The following ZCCHC4 variants were observed in gnomAD, a reference collection of about 807,000 sequenced individuals.
The protein encoded by ZCCHC4 is rRNA N(6)-adenosine-methyltransferase ZCCHC4.
ZCCHC4 carries 54 observed loss-of-function variants against 67.7 expected under a neutral mutation model. The observed-to-expected ratio is 0.80, with a 90% CI of 0.64 to 1.00. ZCCHC4 has a LOEUF of 1.00. ZCCHC4 is among the 50% of genes least tolerant of loss of function. The pLI is 0.00. For synonymous variants in ZCCHC4, 198 were observed against 213.5 expected (o/e 0.93, Z 0.63); for missense variants, 609 against 617.0 (o/e 0.99, Z 0.14).
At chr4:25,349,802 A>G (rs1176973346) in intron 7 of ZCCHC4, 160 bp downstream of exon 7, 41 of 696,086 alleles carry the variant, frequency 5.9e-5, no homozygotes. Flanking sequence ...CTTCATTATC[A>G]TGATATACTT....
intron 3 of ZCCHC4, among the ~76,000 whole-genome samples, chr4:25,328,300 C>G (rs1560401759): frequency 6.7e-6 from 1 of 149,602 alleles, no homozygotes; most frequent in Non-Finnish European, 1.5e-5. Context: ...AGTGCAGTGG[C>G]ACGATCTCTG....
rs766878393 is a variant in ZCCHC4, at chr4:25,364,439, T to G, written c.1210-15T>G. 15 of 1,482,096 alleles carry G rather than the reference T, an allele frequency of 1.0e-5. No individual in the cohort carries two copies. The highest frequency in any genetic ancestry group is 1.9e-4 in the Middle Eastern group (1 of 5,214). The allele number at this position is 1,482,096 out of a possible 1,614,324, so 91.8% of individuals were successfully genotyped here. On this transcript the variant is annotated splice_polypyrimidine_tract_variant and intron_variant, in intron 10 of 12. Coordinates refer to ENST00000302874, the MANE Select transcript of ZCCHC4 (RefSeq NM_024936.3). ...AAATTAATTATAATTTAAAAATTGT[T>G]TTTTTTTTTGGTAGGATGGCAGGAA... is the stretch of plus-strand genomic sequence containing the variant.
chr4:25,346,239 T>TA (rs34624621), intron 6 of ZCCHC4, among the ~76,000 whole-genome samples: 3,642 of 147,384 alleles, frequency 0.025, 51 homozygotes, highest in African/African-American at 0.042. Flanking sequence ...AAAAGTTCTT[T>TA]AAAAAAAAAA....
chr4:25,318,349 C>CTTTTTTTTTTTT (rs528144406), intron 3 of ZCCHC4, among the ~76,000 whole-genome samples: 6 of 45,508 alleles, frequency 1.3e-4, no homozygotes, highest in East Asian at 8.0e-4. Context: ...CACTCTCTCT[C>CTTTTTTTTTTTT]TTTTTTTTTT....
At position 25,324,014 on chromosome 4, in the gene ZCCHC4, G is replaced by GTTTTTTTTTTTTGT. The variant is rs1553895904; in HGVS notation, c.329+8626_329+8627insGTTTTTTTTTTTTT. On this transcript the variant is annotated intron_variant, in intron 3 of 12. Transcript: ENST00000302874. ...TCGTACAGTATGTACTGTTTTTTGT[G>GTTTTTTTTTTTTGT]TTTTTTTTTTTTTTTTGAGACAGAG... Among the ~76,000 whole-genome samples, 8 of 82,448 alleles carry GTTTTTTTTTTTTGT rather than the reference G, an allele frequency of 9.7e-5. 1 individual carries two copies. The highest frequency in any genetic ancestry group is 1.7e-4 in the Non-Finnish European group (8 of 46,568). 54.1% of individuals were successfully genotyped at this position (82,448 alleles called of 152,430 possible).
intron 8 of ZCCHC4, among the ~76,000 whole-genome samples, chr4:25,360,888 G>C (rs1720706176): frequency 1.3e-5 from 2 of 152,186 alleles, no homozygotes; most frequent in African/African-American, 4.8e-5. Flanking sequence ...ATACCATATG[G>C]TTTGAAACTG....
At chr4:25,313,511 G>A (rs1032754928) in intron 1 of ZCCHC4, among the ~76,000 whole-genome samples, 1 of 152,198 alleles carries the variant, frequency 6.6e-6, no homozygotes, top group African/African-American at 2.4e-5. Flanking sequence ...TTTCTGAAGA[G>A]ACCGGTTTTC....
At chr4:25,325,568 CT>C (rs1457181945) in intron 3 of ZCCHC4, among the ~76,000 whole-genome samples, 1 of 152,082 alleles carries the variant, frequency 6.6e-6, no homozygotes, top group African/African-American at 2.4e-5. Flanking sequence ...TGTCTTTTCA[CT>C]TTCTTAATGG....
At chr4:25,326,066 C>G (rs1162651346) in intron 3 of ZCCHC4, among the ~76,000 whole-genome samples, 1 of 152,216 alleles carries the variant, frequency 6.6e-6, no homozygotes, top group Non-Finnish European at 1.5e-5. Context: ...TAGATTTATT[C>G]TTCCAGTAAT....
chr4:25,340,448 C>A (rs915582580), intron 5 of ZCCHC4, among the ~76,000 whole-genome samples: 1 of 129,390 alleles, frequency 7.7e-6, no homozygotes, highest in African/African-American at 3.0e-5. Context: ...CTATTTTGTT[C>A]TTTTTCAAGA....
At chr4:25,335,135 G>A (rs536003713) in intron 5 of ZCCHC4, among the ~76,000 whole-genome samples, 1 of 152,322 alleles carries the variant, frequency 6.6e-6, no homozygotes, top group African/African-American at 2.4e-5. Context: ...TTTTTAAAGT[G>A]TAAAATGTCC....
intron 8 of ZCCHC4, chr4:25,352,053 A>G: frequency 7.0e-6 from 7 of 998,782 alleles, no homozygotes; most frequent in Non-Finnish European, 8.3e-6. Context: ...ATCATTATGA[A>G]CGTTGGTTTC....
Position 25,349,645 on chromosome 4 carries a change from G to A in ZCCHC4, c.910+3G>A, listed in dbSNP as rs768939646. On this transcript the variant is annotated splice_donor_region_variant and intron_variant, in intron 7 of 12. Transcript: ENST00000302874. Reference sequence around the variant, plus strand: ...GTGGAAAGAAGGTCAAAGCCAAGGTGTATAATTTATTACTGCAAAATAAAT... The same window carrying A: ...GTGGAAAGAAGGTCAAAGCCAAGGTATATAATTTATTACTGCAAAATAAAT... 1.4e-5 allele frequency: 23 copies of A among 1,612,702 alleles called. No homozygotes were observed. Among genetic ancestry groups the A allele is most frequent in the Non-Finnish European group, 1.9e-5 (23 of 1,179,498 alleles).
At chr4:25,361,697 C>T (rs1720745923) in intron 8 of ZCCHC4, 162 bp from the exon 9 acceptor site, 9 of 662,124 alleles carry the variant, frequency 1.4e-5, no homozygotes, top group Non-Finnish European at 2.2e-5. Flanking sequence ...CACTGGTCCA[C>T]CCACTCCCCT....
intron 3 of ZCCHC4, among the ~76,000 whole-genome samples, chr4:25,330,742 T>C (rs1487017786): frequency 6.6e-6 from 1 of 152,330 alleles, no homozygotes; most frequent in Non-Finnish European, 1.5e-5. Flanking sequence ...TTCTGAGTAC[T>C]TGAGTACTTG....
At chr4:25,332,824 A>G (rs766018590) in intron 3 of ZCCHC4, among the ~76,000 whole-genome samples, 2 of 152,252 alleles carry the variant, frequency 1.3e-5, no homozygotes, top group Non-Finnish European at 2.9e-5. Flanking sequence ...ACTGTTTAAC[A>G]GATAAAAGTT....
intron 5 of ZCCHC4, among the ~76,000 whole-genome samples, chr4:25,343,879 A>T (rs1308858387): frequency 6.6e-6 from 1 of 152,212 alleles, no homozygotes; most frequent in Non-Finnish European, 1.5e-5. Context: ...ATAAGTAAGG[A>T]TGTGTCTCAG....
At chr4:25,368,911 A>G (rs1352397747) in intron 12 of ZCCHC4, 118 bp from the exon 13 acceptor site, 8 of 1,228,766 alleles carry the variant, frequency 6.5e-6, no homozygotes, top group Non-Finnish European at 8.8e-6. Flanking sequence ...CTTGCAATAC[A>G]GTAGATTCTT....
Position 25,333,242 on chromosome 4 carries a change from A to C in ZCCHC4, c.389A>C (p.Gln130Pro). The C allele has an allele frequency of 6.2e-7, 1 of 1,614,168 alleles. No individual in the cohort carries two copies. Among genetic ancestry groups the C allele is most frequent in the Non-Finnish European group, 8.5e-7 (1 of 1,180,016 alleles). ...TQRKFCQTCQQLLLPDDWGQH... is the reference protein window; with the variant it reads ...TQRKFCQTCQPLLLPDDWGQH... ...AGAAAGTTTTGTCAAACATGTCAGC[A>C]GTTGTTGTTACCAGATGACTGGGGG... The change falls in exon 4 of 13, where the codon CAG becomes CCG. Residue 130 changes from glutamine (Q) to proline (P), a missense_variant. Physicochemically the swap from Gln to Pro is moderately conservative, Grantham distance 76. Coordinates refer to ENST00000302874, the MANE Select transcript of ZCCHC4 (RefSeq NM_024936.3).
Sources: allele counts gnomAD v4.1 joint callset (sites outside exome capture counted in the v4.1 genomes callset), GRCh38; gene constraint gnomAD v4.1.1; transcripts MANE v1.5; gene names NCBI Gene and HGNC (gene_info 2026-07-23, HGNC 2026-07-21).